Variants in KCNN2 observed in about 807,000 individuals in gnomAD.
The protein encoded by KCNN2 is potassium calcium-activated channel subfamily N member 2, also known as small conductance calcium-activated potassium channel protein 2.
A neutral mutation model predicts 55.5 loss-of-function variants in KCNN2; 24 were observed. The observed-to-expected ratio is 0.43, with a 90% CI of 0.31 to 0.61. The LOEUF (loss-of-function observed/expected upper bound fraction) is 0.61, where lower values mean the gene tolerates loss of function less well. Among genes scored for constraint, KCNN2 ranks in the 20% least tolerant of loss-of-function variants. KCNN2 has a pLI of 0.08. For synonymous variants in KCNN2, 431 were observed against 336.1 expected, an observed-to-expected ratio of 1.28 and a Z score of -3.09; for missense variants, 754 against 853.6, an observed-to-expected ratio of 0.88 and a Z score of 1.45.
chr5:114,100,364 T>C (rs1034760090), intron 1 of KCNN2, among the ~76,000 whole-genome samples: 6 of 152,130 alleles, frequency 3.9e-5, no homozygotes, highest in South Asian at 4.1e-4. Context: ...CAAAGAAATA[T>C]TAATTTGTTA....
chr5:114,487,668 G>A (rs1268740579), intron 6 of KCNN2, among the ~76,000 whole-genome samples: 1 of 152,062 alleles, frequency 6.6e-6, no homozygotes, highest in Non-Finnish European at 1.5e-5. Flanking sequence ...ACTTTATCCA[G>A]ACCACTATTA....
At chr5:114,253,018 C>G (rs1014831531) in intron 2 of KCNN2, among the ~76,000 whole-genome samples, 15 of 152,158 alleles carry the variant, frequency 9.9e-5, no homozygotes, top group African/African-American at 3.6e-4. Context: ...GAGCTCTGCT[C>G]TGCTTCTCCT....
intron 1 of KCNN2, among the ~76,000 whole-genome samples, chr5:114,081,784 T>C (rs1750825720): frequency 6.6e-6 from 1 of 152,096 alleles, no homozygotes; most frequent in Admixed American, 6.6e-5. Context: ...TCATGAACAT[T>C]TTAAGTTTGT....
At chr5:114,155,210 A>G (rs1329108295) in intron 1 of KCNN2, among the ~76,000 whole-genome samples, 5 of 152,278 alleles carry the variant, frequency 3.3e-5, no homozygotes, top group African/African-American at 1.2e-4. Flanking sequence ...CCTGCAAAGG[A>G]CATGATCTCT....
At chr5:114,129,856 C>G (rs1308275644) in intron 1 of KCNN2, among the ~76,000 whole-genome samples, 1 of 152,218 alleles carries the variant, frequency 6.6e-6, no homozygotes, top group African/African-American at 2.4e-5. Context: ...TTCTTCATAA[C>G]TGTGTTTCCT....
chr5:114,465,905 C>G (rs969017916), intron 4 of KCNN2, among the ~76,000 whole-genome samples: 2 of 152,190 alleles, frequency 1.3e-5, no homozygotes, highest in African/African-American at 4.8e-5. Flanking sequence ...TTCTTCTAGA[C>G]TAAGCAGATT....
At position 114,362,545 on chromosome 5, in the gene KCNN2, G is replaced by T; in HGVS notation, c.406G>T (p.Ala136Ser). ...GAGCGAGCTGACGCCGTCCAGCCATGCCAGTGCGCTCCGGCAGCAGTACGC... is the reference window on the plus strand; with the variant it reads ...GAGCGAGCTGACGCCGTCCAGCCATTCCAGTGCGCTCCGGCAGCAGTACGC... ...NVSELTPSSH[A>S]SALRQQYAQQ... The change falls in exon 1 of 8, where the codon GCC (alanine) becomes TCC (serine). Residue 136 changes from alanine to serine, a missense_variant. Coordinates refer to ENST00000673685, the MANE Select transcript of KCNN2 (RefSeq NM_021614.4). The T allele has an allele frequency of 1.7e-6, 1 of 582,886 alleles. No individual in the cohort carries two copies. The highest frequency in any genetic ancestry group is 2.9e-6 in the Non-Finnish European group (1 of 347,666). The allele number at this position is 582,886 out of a possible 1,614,324, so 36.1% of individuals were successfully genotyped here.
rs191056608 is a variant in KCNN2 at position 114,062,661 on chromosome 5, A to G, written c.-271+6161A>G. Among the ~76,000 whole-genome samples the G allele has an allele frequency of 6.6e-4, 101 of 152,312 alleles. 2 individuals carry two copies. Among genetic ancestry groups the G allele is most frequent in the Admixed American group, 4.8e-3 (74 of 15,302 alleles). ...CAGTCTGAATTAGCAAAAAGTCTCA[A>G]TTACGGTGTGTGTGTTTTAATAAAT... On this transcript the variant is annotated intron_variant, in intron 1 of 10. Coordinates refer to the KCNN2 transcript ENST00000512097.
chr5:114,227,788 A>G (rs1305713810), intron 2 of KCNN2, among the ~76,000 whole-genome samples: 1 of 152,212 alleles, frequency 6.6e-6, no homozygotes, highest in African/African-American at 2.4e-5. Flanking sequence ...AAGAAGGATT[A>G]TAATTCCTAA....
At chr5:114,261,262 A>G (rs559072632) in intron 2 of KCNN2, among the ~76,000 whole-genome samples, 9 of 152,280 alleles carry the variant, frequency 5.9e-5, no homozygotes, top group Admixed American at 2.0e-4. Context: ...GAAAGATTGC[A>G]CAGTATGTCC....
intron 1 of KCNN2, among the ~76,000 whole-genome samples, chr5:114,215,499 A>G (rs1051952386): frequency 3.3e-5 from 5 of 152,168 alleles, no homozygotes; most frequent in Non-Finnish European, 5.9e-5. Context: ...GGAAGGGATC[A>G]TGCTTGACTC....
At chr5:114,208,970 A>G (rs1321773874) in intron 1 of KCNN2, among the ~76,000 whole-genome samples, 1 of 151,726 alleles carries the variant, frequency 6.6e-6, no homozygotes, top group Non-Finnish European at 1.5e-5. Flanking sequence ...TTCTCCACTA[A>G]TACTGCTTTC....
chr5:114,359,590 A>G (rs182285513), upstream of KCNN2, among the ~76,000 whole-genome samples: 100 of 152,334 alleles, frequency 6.6e-4, no homozygotes, highest in Non-Finnish European at 1.1e-3. Flanking sequence ...GTAGAACCTT[A>G]TATCTAATTT....
At chr5:114,331,415 C>G (rs1756819640) in intron 2 of KCNN2, among the ~76,000 whole-genome samples, 1 of 152,166 alleles carries the variant, frequency 6.6e-6, no homozygotes, top group African/African-American at 2.4e-5. Flanking sequence ...GAATCAGCTA[C>G]ATGCAGGCCA....
chr5:114,424,674 A>T (rs1433088192), intron 3 of KCNN2, among the ~76,000 whole-genome samples: 1 of 152,242 alleles, frequency 6.6e-6, no homozygotes, highest in African/African-American at 2.4e-5. Context: ...CATGTAGCCT[A>T]GGCTAGTGGG....
chr5:114,265,241 A>AT (rs34379387), intron 2 of KCNN2, among the ~76,000 whole-genome samples: 129,734 of 151,952 alleles, frequency 0.85, 55,487 homozygotes, highest in East Asian at 0.94. Flanking sequence ...AAATTGTCAT[A>AT]TGTAGAAAAT....
At chr5:114,446,030 A>G (rs141100996) in intron 3 of KCNN2, among the ~76,000 whole-genome samples, 117 of 152,308 alleles carry the variant, frequency 7.7e-4, no homozygotes, top group African/African-American at 2.7e-3. Context: ...TGGATGTCAG[A>G]ATTTCTGGAT....
chr5:114,466,058 TTACCAAGACCAA>T (rs147756766), intron 4 of KCNN2, among the ~76,000 whole-genome samples: 128 of 152,252 alleles, frequency 8.4e-4, no homozygotes, highest in East Asian at 6.0e-3. Context: ...AATTTCTTCA[TTACCAAGACCAA>T]TATGGGAATT....
chr5:114,405,990 G>A (rs112941186), intron 3 of KCNN2, among the ~76,000 whole-genome samples: 4,069 of 151,572 alleles, frequency 0.027, 64 homozygotes, highest in Non-Finnish European at 0.039. Context: ...GATTACAGGC[G>A]TGAGCCACCG....
Sources: allele counts gnomAD v4.1 joint callset (sites outside exome capture counted in the v4.1 genomes callset), GRCh38; gene constraint gnomAD v4.1.1; transcripts MANE v1.5; gene names NCBI Gene and HGNC (gene_info 2026-07-23, HGNC 2026-07-21).